The following PRH1 variants were observed in gnomAD, a reference collection of about 807,000 sequenced individuals.
PRH1 encodes proline rich protein HaeIII subfamily 1.
PRH1 carries 7 observed loss-of-function variants against 7.9 expected under a neutral mutation model. That is an observed-to-expected ratio of 0.89 (90% CI 0.50 to 1.67). The LOEUF is 1.67. Among genes scored for constraint, PRH1 ranks in the 40% most tolerant of loss-of-function variants. The pLI is 0.00. For synonymous variants in PRH1, 45 were observed against 80.8 expected (o/e 0.56, Z 2.38); for missense variants, 109 against 223.6 (o/e 0.49, Z 3.27).
chr12:10,941,067 C>T (rs1417467926), intron 2 of PRH1, among the ~76,000 whole-genome samples: 1 of 152,122 alleles, frequency 6.6e-6, no homozygotes, highest in African/African-American at 2.4e-5. Flanking sequence ...ACCCTGGCCT[C>T]GCTATATCCA....
intron 2 of PRH1, among the ~76,000 whole-genome samples, chr12:10,899,684 A>G (rs1445620245): frequency 1.3e-5 from 2 of 152,210 alleles, no homozygotes; most frequent in Non-Finnish European, 2.9e-5. Context: ...TGCTAATGCC[A>G]TGCTTCTTGT....
At chr12:11,074,526 T>G (rs67163928) in intron 1 of PRH1, among the ~76,000 whole-genome samples, 5 of 119,750 alleles carry the variant, frequency 4.2e-5, no homozygotes, top group African/African-American at 1.2e-4. Flanking sequence ...TTGGAGCACA[T>G]AGTTAGATGA....
At chr12:11,054,430 TCA>T (rs971644264) in intron 1 of PRH1, among the ~76,000 whole-genome samples, 3 of 152,216 alleles carry the variant, frequency 2.0e-5, no homozygotes, top group African/African-American at 4.8e-5. Flanking sequence ...TCAGCTACTG[TCA>T]CAAAATCTGG....
intron 1 of PRH1, chr12:11,061,767 A>G (rs1943615036): frequency 6.2e-7 from 1 of 1,614,096 alleles, no homozygotes. Flanking sequence ...TTACCGTTGT[A>G]TTTGAAAGGT....
intron 1 of PRH1, among the ~76,000 whole-genome samples, chr12:11,105,456 C>T (rs1945382229): frequency 1.3e-5 from 2 of 152,118 alleles, no homozygotes; most frequent in Admixed American, 6.5e-5. Flanking sequence ...AACAGGAAAG[C>T]ATCTCAATAT....
At chr12:11,152,558 T>A (rs1592114504) in intron 1 of PRH1, among the ~76,000 whole-genome samples, 1 of 152,160 alleles carries the variant, frequency 6.6e-6, no homozygotes, top group Admixed American at 6.5e-5. Flanking sequence ...TTTTAACTAT[T>A]CTCCACTTTT....
chr12:11,165,246 T>G (rs558701461), intron 1 of PRH1, among the ~76,000 whole-genome samples: 29 of 152,172 alleles, frequency 1.9e-4, no homozygotes, highest in Non-Finnish European at 3.2e-4. Context: ...AGGATTCTAG[T>G]TGCCCCCTAT....
chr12:10,907,927 G>C (rs897079535), intron 2 of PRH1: 6 of 156,510 alleles, frequency 3.8e-5, no homozygotes, highest in African/African-American at 1.4e-4. Context: ...AGTAATAGTG[G>C]CAAGTCCAAA....
At position 11,091,205 on chromosome 12, in the gene PRH1, C is replaced by T. The variant is rs183401879; in HGVS notation, n.124-44017G>A. The T allele has an allele frequency of 2.9e-6, 3 of 1,029,914 alleles. No homozygotes were observed. The African/African-American group carries it at 5.5e-5, about 19-fold the overall frequency. 63.8% of individuals were successfully genotyped at this position (1,029,914 alleles called of 1,614,324 possible). A position where few individuals can be genotyped will look rare whatever the true frequency, so the allele number is the denominator to read the frequency against. ...TATACGTTTGGAAATTATTCATACA[C>T]ATACAGTATAGAAAAACCAGTAAGA... On this transcript the variant is annotated intron_variant and non_coding_transcript_variant, in intron 1 of 4. Coordinates refer to the PRH1 transcript ENST00000541977.
At chr12:10,975,445 G>T (rs2135959431) in intron 1 of PRH1, among the ~76,000 whole-genome samples, 1 of 152,224 alleles carries the variant, frequency 6.6e-6, no homozygotes, top group African/African-American at 2.4e-5. Flanking sequence ...GGAAAGAAAA[G>T]ATCTTCACTG....
At chr12:11,158,823 A>G (rs1947332018) in intron 1 of PRH1, 1 of 152,224 alleles carries the variant, frequency 6.6e-6, no homozygotes, top group South Asian at 2.1e-4. Flanking sequence ...TTAAGATGCC[A>G]CAGTAGTCTC....
chr12:11,148,468 A>G (rs571680368), intron 1 of PRH1, among the ~76,000 whole-genome samples: 469 of 145,724 alleles, frequency 3.2e-3, no homozygotes, highest in South Asian at 0.013. Context: ...TCCCATCAAT[A>G]CCTAATTTAT....
upstream of PRH1, among the ~76,000 whole-genome samples, chr12:11,050,866 ACAT>A (rs1648120568): frequency 6.6e-6 from 1 of 152,238 alleles, no homozygotes; most frequent in African/African-American, 2.4e-5. Flanking sequence ...CACCGTGAGA[ACAT>A]CATCTGGTGA....
At chr12:11,094,676 C>T (rs1174838373) in intron 1 of PRH1, among the ~76,000 whole-genome samples, 1 of 115,510 alleles carries the variant, frequency 8.7e-6, no homozygotes, top group Non-Finnish European at 2.0e-5. Flanking sequence ...TATTTCCCTT[C>T]GGTATATAAT....
At chr12:11,076,440 A>ACATG (rs1944294465) in intron 1 of PRH1, among the ~76,000 whole-genome samples, 1 of 124,476 alleles carries the variant, frequency 8.0e-6, no homozygotes, top group Non-Finnish European at 1.8e-5. Context: ...TTTAAGATAG[A>ACATG]GAATATTTGA....
At chr12:11,051,371 C>A (rs1425672154), upstream of PRH1, among the ~76,000 whole-genome samples, 1 of 152,098 alleles carries the variant, frequency 6.6e-6, no homozygotes, top group East Asian at 1.9e-4. Context: ...GTATTTTTCC[C>A]TTTGGTATAT....
chr12:11,002,438 A>AT lies in PRH1; in HGVS notation c.-125-28718dup, dbSNP rs1302035315. ...ATGTATTTCCAATGATTTACTGGCT[A>AT]TTTTTTTTTCTTTTACCACATTCTG... On this transcript the variant is annotated intron_variant, in intron 1 of 3. Transcript: ENST00000539853. Among the ~76,000 whole-genome samples, 8 of 151,384 alleles carry AT rather than the reference A, an allele frequency of 5.3e-5. No homozygotes were observed. The East Asian group carries it at 5.8e-4, about 11-fold the overall frequency.
In PRH1 at chr12:10,967,109, C is replaced by T. The variant is rs372990896; in HGVS notation, c.-59+6546G>A. Among the ~76,000 whole-genome samples the T allele has an allele frequency of 3.6e-3, 386 of 107,784 alleles. 4 individuals carry two copies. The highest frequency in any genetic ancestry group is 9.8e-3 in the African/African-American group (312 of 31,902). 70.7% of individuals were successfully genotyped at this position (107,784 alleles called of 152,430 possible). A position where few individuals can be genotyped will look rare whatever the true frequency, so the allele number is the denominator to read the frequency against. On this transcript the variant is annotated intron_variant, in intron 2 of 3. Transcript: ENST00000539853. Reference sequence around the variant, plus strand: ...CAGCCTGGGCGACAGAGCAAGACTCCGTCTCAAAAAAAAAAAAAAAAAAAA... The same window carrying T: ...CAGCCTGGGCGACAGAGCAAGACTCTGTCTCAAAAAAAAAAAAAAAAAAAA...
chr12:10,907,377 T>C (rs569536185), intron 2 of PRH1, among the ~76,000 whole-genome samples: 1 of 152,266 alleles, frequency 6.6e-6, no homozygotes, highest in South Asian at 2.1e-4. Context: ...AATTTTTTAA[T>C]GTGGTATATC....
Sources: allele counts gnomAD v4.1 joint callset (sites outside exome capture counted in the v4.1 genomes callset), GRCh38; gene constraint gnomAD v4.1.1; transcripts MANE v1.5; gene names NCBI Gene and HGNC (gene_info 2026-07-23, HGNC 2026-07-21).